TTC7B: variants seen among roughly 807,000 people sequenced by gnomAD.
The protein encoded by TTC7B is tetratricopeptide repeat domain 7B.
Under a neutral mutation model 106.8 loss-of-function variants are expected in TTC7B, and 28 were observed. The ratio of observed to expected loss-of-function variants is 0.26; its 90% CI spans 0.19 to 0.36. The LOEUF (loss-of-function observed/expected upper bound fraction) is 0.36, where lower values mean the gene tolerates loss of function less well. Among genes scored for constraint, TTC7B ranks in the 10% least tolerant of loss-of-function variants. The pLI is 1.00. For synonymous variants in TTC7B, 405 were observed against 430.6 expected (o/e 0.94, Z 0.74); for missense variants, 862 against 1,076.4 (o/e 0.80, Z 2.79).
chr14:90,578,358 C>T lies in TTC7B; in HGVS notation c.2108-50G>A. Reference sequence around the variant, plus strand: ...TGCTTTCCTGGTGCCCCTCTGAGGCCCTGCGAGCAGCCACCACTCTGATGT... The same window carrying T: ...TGCTTTCCTGGTGCCCCTCTGAGGCTCTGCGAGCAGCCACCACTCTGATGT... On this transcript the variant is annotated intron_variant, in intron 18 of 19. Coordinates refer to ENST00000328459, the MANE Select transcript of TTC7B (RefSeq NM_001010854.2). The surrounding 1 kb of genome is among the most constrained non-coding windows in gnomAD (Gnocchi z 4.7). The T allele has an allele frequency of 6.4e-7, 1 of 1,573,492 alleles. No homozygotes were observed. The highest frequency in any genetic ancestry group is 8.7e-7 in the Non-Finnish European group (1 of 1,155,104).
intron 16 of TTC7B, among the ~76,000 whole-genome samples, chr14:90,612,730 A>G (rs1412085630): frequency 2.0e-5 from 3 of 152,348 alleles, no homozygotes; most frequent in African/African-American, 7.2e-5. Context: ...ACATAGATGG[A>G]GCACTCTGAA....
At chr14:90,734,454 A>G (rs1410749562) in intron 4 of TTC7B, among the ~76,000 whole-genome samples, 2 of 151,794 alleles carry the variant, frequency 1.3e-5, no homozygotes, top group East Asian at 3.9e-4. Flanking sequence ...GGAAACAACG[A>G]CAAAAATCAT....
chr14:90,553,697 C>T (rs79676327), intron 19 of TTC7B, among the ~76,000 whole-genome samples: 2,439 of 152,296 alleles, frequency 0.016, 70 homozygotes, highest in African/African-American at 0.056. Context: ...GAACAGCGCA[C>T]GCTCCCTCTC....
At position 90,617,978 on chromosome 14, in the gene TTC7B, T is replaced by C. The variant is rs776490564; in HGVS notation, c.1819A>G (p.Lys607Glu). The change falls in exon 16 of 20, where the codon AAG becomes GAG. Residue 607 changes from lysine to glutamate, a missense_variant. Transcript: ENST00000328459. ...RGPDEALLTC[K>E]HMLQIWKSCY... is the part of the protein sequence containing the mutation. Reference sequence around the variant, plus strand: ...GATTTCCATATCTGCAGCATGTGCTTACAAGTCAGCAGTGCCTCGTCCGGG... The same window carrying C: ...GATTTCCATATCTGCAGCATGTGCTCACAAGTCAGCAGTGCCTCGTCCGGG... The C allele has an allele frequency of 1.9e-5, 30 of 1,613,968 alleles. No homozygotes were observed. The highest frequency in any genetic ancestry group is 2.5e-5 in the Non-Finnish European group (30 of 1,179,868).
chr14:90,811,269 A>T (rs1181835551), intron 1 of TTC7B, among the ~76,000 whole-genome samples: 1 of 152,240 alleles, frequency 6.6e-6, no homozygotes, highest in Non-Finnish European at 1.5e-5. Context: ...GAAAGGCCAT[A>T]ATAGTGGGTC....
At chr14:90,770,205 C>T (rs1286093357) in intron 3 of TTC7B, among the ~76,000 whole-genome samples, 2 of 152,006 alleles carry the variant, frequency 1.3e-5, no homozygotes, top group Non-Finnish European at 2.9e-5. Flanking sequence ...AATAAAGAGT[C>T]AATACAGTAA....
At chr14:90,582,648 G>A (rs1275767292) in intron 18 of TTC7B, among the ~76,000 whole-genome samples, 2 of 152,242 alleles carry the variant, frequency 1.3e-5, no homozygotes, top group Non-Finnish European at 2.9e-5. Flanking sequence ...AGACCGCAGG[G>A]TGAGGAAGCT....
Position 90,624,512 on chromosome 14 carries a change from C to T in TTC7B, c.1752-6467G>A, listed in dbSNP as rs879586180. ...CTGGACATGCACCTCTAGTACCTCA[C>T]ACCCTAGTTTAGTTTTAGCCTTGGC... On this transcript the variant is annotated intron_variant, in intron 15 of 19. Coordinates refer to ENST00000328459, the MANE Select transcript of TTC7B (RefSeq NM_001010854.2). The surrounding 1 kb of genome is among the most constrained non-coding windows in gnomAD (Gnocchi z 4.0). 1.3e-5 allele frequency among the ~76,000 whole-genome samples: 2 copies of T among 152,210 alleles called. No individual in the cohort carries two copies. Among genetic ancestry groups the T allele is most frequent in the Admixed American group, 6.5e-5 (1 of 15,286 alleles).
At chr14:90,719,405 T>C (rs971591901) in intron 5 of TTC7B, among the ~76,000 whole-genome samples, 3 of 152,232 alleles carry the variant, frequency 2.0e-5, no homozygotes, top group African/African-American at 7.2e-5. Flanking sequence ...TGGCCCCTGA[T>C]TGATAACTTG....
intron 3 of TTC7B, among the ~76,000 whole-genome samples, chr14:90,760,175 A>G (rs1229591345): frequency 6.6e-6 from 1 of 152,194 alleles, no homozygotes; most frequent in Admixed American, 6.5e-5. Context: ...GGGCGGACTC[A>G]GCACAGGGAA....
At chr14:90,637,888 C>A (rs1047612770) in intron 15 of TTC7B, among the ~76,000 whole-genome samples, 5 of 152,148 alleles carry the variant, frequency 3.3e-5, no homozygotes, top group African/African-American at 9.7e-5. Context: ...TACAAACAAA[C>A]CTGTAACAAG....
Position 90,676,618 on chromosome 14 carries a change from T to C in TTC7B, c.1057A>G (p.Ser353Gly), listed in dbSNP as rs1419919545. 6.2e-7 allele frequency: 1 copy of C among 1,613,996 alleles called. No individual in the cohort carries two copies. The highest frequency in any genetic ancestry group is 8.5e-7 in the Non-Finnish European group (1 of 1,180,020). ...CTCTGCAGACTGATGAGGCGGTCAC[T>C]CTTGTGTTCAGGTATCCTGCTCAGC... ...AVLSRIPEHK[S>G]DRLISLQSAS... is the part of the protein sequence containing the mutation. The change falls in exon 9 of 20, where the codon AGT becomes GGT. Residue 353 changes from serine to glycine, a missense_variant. Ser to Gly is a moderately conservative substitution (Grantham distance 56, BLOSUM62 0). Transcript: ENST00000328459.
At chr14:90,789,801 CA>C (rs1891518011) in intron 1 of TTC7B, among the ~76,000 whole-genome samples, 1 of 151,194 alleles carries the variant, frequency 6.6e-6, no homozygotes, top group African/African-American at 2.4e-5. Flanking sequence ...GAGGCTGAGG[CA>C]GGAGAATGGC....
chr14:90,582,311 C>A (rs948901941), intron 18 of TTC7B, among the ~76,000 whole-genome samples: 1 of 152,240 alleles, frequency 6.6e-6, no homozygotes, highest in Non-Finnish European at 1.5e-5. Flanking sequence ...GTTCTTGGCC[C>A]TGCGCCTCAT....
chr14:90,606,160 C>T (rs1032299581), intron 17 of TTC7B, among the ~76,000 whole-genome samples: 2 of 152,154 alleles, frequency 1.3e-5, no homozygotes, highest in Non-Finnish European at 2.9e-5. Flanking sequence ...CACTTATATA[C>T]AGTTTACTTG....
intron 17 of TTC7B, among the ~76,000 whole-genome samples, chr14:90,594,901 C>A (rs943802997): frequency 6.6e-6 from 1 of 152,132 alleles, no homozygotes; most frequent in Admixed American, 6.6e-5. Flanking sequence ...TCTAAATGCA[C>A]CTGAATCCTT....
At position 90,570,641 on chromosome 14, in the gene TTC7B, G is replaced by T. The variant is rs1890995629; in HGVS notation, c.2310+7465C>A. On this transcript the variant is annotated intron_variant, in intron 19 of 19. Transcript: ENST00000328459. This position sits in a 1 kb window ranked among gnomAD's most constrained non-coding sequence, Gnocchi z 4.0. ...CCTCCAACCAGTGAAAGTCAGTCACGCTGGTGCAGAAAGGGAAGCTCCATG... is the reference window on the plus strand; with the variant it reads ...CCTCCAACCAGTGAAAGTCAGTCACTCTGGTGCAGAAAGGGAAGCTCCATG... Among the ~76,000 whole-genome samples, 1 of 151,992 alleles carries T rather than the reference G, an allele frequency of 6.6e-6. No homozygotes were observed. The highest frequency in any genetic ancestry group is 2.1e-4 in the South Asian group (1 of 4,800).
At chr14:90,644,747 C>T (rs1184842041) in intron 14 of TTC7B, 1 of 152,368 alleles carries the variant, frequency 6.6e-6, no homozygotes, top group Non-Finnish European at 1.5e-5. Flanking sequence ...TTTTCAGGTT[C>T]CTTTGTCTTG....
intron 1 of TTC7B, among the ~76,000 whole-genome samples, chr14:90,814,898 C>G (rs1378489350): frequency 6.6e-6 from 1 of 152,184 alleles, no homozygotes; most frequent in African/African-American, 2.4e-5. Flanking sequence ...ACCATGGCAC[C>G]TGCGTTCACC....
Sources: allele counts gnomAD v4.1 joint callset (sites outside exome capture counted in the v4.1 genomes callset), GRCh38; gene constraint gnomAD v4.1.1; non-coding constraint Gnocchi (gnomAD v3.1); transcripts MANE v1.5; gene names NCBI Gene and HGNC (gene_info 2026-07-23, HGNC 2026-07-21).